Variants in B3GNT3 observed in about 807,000 individuals in gnomAD.
The protein encoded by B3GNT3 is N-acetyllactosaminide beta-1,3-N-acetylglucosaminyltransferase 3.
B3GNT3 carries 7 observed loss-of-function variants against 11.6 expected under a neutral mutation model. That is an observed-to-expected ratio of 0.60 (90% confidence interval 0.34 to 1.13). B3GNT3 has a LOEUF of 1.13. Ranked by LOEUF, B3GNT3 falls within the 50% of genes most tolerant of loss-of-function variation. B3GNT3 has a pLI of 0.03. For missense variants in B3GNT3, 400 were observed against 507.4 expected (o/e 0.79, Z 2.03); for synonymous variants, 201 against 222.1 (o/e 0.90, Z 0.85).
At chr19:17,800,653 G>A (rs1167641610) in intron 1 of B3GNT3, among the ~76,000 whole-genome samples, 1 of 152,104 alleles carries the variant, frequency 6.6e-6, no homozygotes, top group Admixed American at 6.6e-5. Context: ...AAGACTGTTT[G>A]TGGCTTGTTA....
intron 1 of B3GNT3, among the ~76,000 whole-genome samples, chr19:17,807,501 C>T (rs1484251192): frequency 3.6e-5 from 5 of 139,300 alleles, no homozygotes; most frequent in South Asian, 2.2e-4. Flanking sequence ...GAGAGAGAGA[C>T]GCTGTCTCAA....
Position 17,811,670 on chromosome 19 carries a change from T to C in B3GNT3, c.667T>C (p.Tyr223His). 1 of 1,614,258 alleles carries C rather than the reference T, an allele frequency of 6.2e-7. No homozygotes were observed. Among genetic ancestry groups the C allele is most frequent in the Non-Finnish European group, 8.5e-7 (1 of 1,180,050 alleles). Residue 223 changes from tyrosine to histidine, a missense_variant, in exon 3 of 3, where the codon TAC (tyrosine) becomes CAC (histidine). Coordinates refer to ENST00000318683, the MANE Select transcript of B3GNT3 (RefSeq NM_014256.4). The surrounding 1 kb of genome is among the most constrained non-coding windows in gnomAD (Gnocchi z 4.1). ...TGCACACACAGACAACATGGTCTTC[T>C]ACCTGCAGGACCATGACCCTGGCCG... ...VFAHTDNMVF[Y>H]LQDHDPGRHL... is the part of the protein sequence containing the mutation.
chr19:17,795,989 A>G (rs2094159106), intron 1 of B3GNT3, among the ~76,000 whole-genome samples: 1 of 152,158 alleles, frequency 6.6e-6, no homozygotes, highest in Admixed American at 6.5e-5. Flanking sequence ...AGCTGTCATC[A>G]TAATTATATT....
rs368173249 is a variant in B3GNT3 at position 17,807,803 on chromosome 19, C to A, written c.-5C>A. ...CAGGCCGACCCCAGACCCTGGCTGG[C>A]CAGGATGAAGTATCTCCGGCACCGG... On this transcript the variant is annotated 5_prime_UTR_variant, in exon 2 of 3. Coordinates refer to ENST00000318683, the MANE Select transcript of B3GNT3 (RefSeq NM_014256.4). The A allele has an allele frequency of 2.9e-5, 47 of 1,601,712 alleles. No individual in the cohort carries two copies. The highest frequency in any genetic ancestry group is 3.8e-5 in the Non-Finnish European group (44 of 1,171,330).
chr19:17,801,875 G>A (rs1407651302), intron 1 of B3GNT3, among the ~76,000 whole-genome samples: 1 of 152,150 alleles, frequency 6.6e-6, no homozygotes, highest in Non-Finnish European at 1.5e-5. Flanking sequence ...ATCACTTGAG[G>A]TCAGGAGTTT....
chr19:17,804,386 C>T (rs1397077599), intron 1 of B3GNT3, among the ~76,000 whole-genome samples: 9 of 147,158 alleles, frequency 6.1e-5, no homozygotes, highest in East Asian at 4.0e-4. Flanking sequence ...ATTACAGACA[C>T]GCACCACCAC....
intron 1 of B3GNT3, among the ~76,000 whole-genome samples, chr19:17,804,237 T>C (rs1218563948): frequency 1.2e-4 from 17 of 143,308 alleles, no homozygotes; most frequent in Non-Finnish European, 2.1e-4. Flanking sequence ...CTTTCTTTTT[T>C]TTCTTTTTTT....
upstream of B3GNT3, chr19:17,794,810 A>G (rs10854161): frequency 0.33 from 50,474 of 152,404 alleles, 9,235 homozygotes; most frequent in African/African-American, 0.49. Flanking sequence ...GCTCTGTGCC[A>G]GGAACCCGCA....
At position 17,811,775 on chromosome 19, in the gene B3GNT3, G is replaced by A; in HGVS notation, c.772G>A (p.Val258Met). The change falls in exon 3 of 3, where the codon GTG becomes ATG. Residue 258 changes from valine to methionine, a missense_variant. Transcript: ENST00000318683. This position sits in a 1 kb window ranked among gnomAD's most constrained non-coding sequence, Gnocchi z 4.1. Reference sequence around the variant, plus strand: ...GAGCAAGTACTATGTGCCAGAGGTGGTGACTCAGAATGAGCGGTACCCACC... The same window carrying A: ...GAGCAAGTACTATGTGCCAGAGGTGATGACTCAGAATGAGCGGTACCCACC... ...FWSKYYVPEV[V>M]TQNERYPPYC... 6.2e-7 allele frequency: 1 copy of A among 1,614,270 alleles called. No individual in the cohort carries two copies. Among genetic ancestry groups the A allele is most frequent in the South Asian group, 1.1e-5 (1 of 91,088 alleles).
intron 1 of B3GNT3, among the ~76,000 whole-genome samples, chr19:17,805,849 GTGCAGTGGTGTGATCATAGCTCAC>G (rs2094172382): frequency 6.6e-6 from 1 of 151,816 alleles, no homozygotes; most frequent in African/African-American, 2.4e-5. Flanking sequence ...CCAGGCTGGA[GTGCAGTGGTGTGATCATAGCTCAC>G]TGCAGCCTTG....
Position 17,807,960 on chromosome 19 carries a change from T to TCCGG in B3GNT3, c.155_156insGGCC (p.Pro53AlafsTer51). The TCCGG allele has an allele frequency of 4.2e-5, 67 of 1,609,456 alleles. No individual in the cohort carries two copies. Among genetic ancestry groups the TCCGG allele is most frequent in the Non-Finnish European group, 5.1e-5 (60 of 1,178,046 alleles). ...TCCCCGAGGCCCTGGCCTGGCCCAC[T>TCCGG]CCACCCACCCGCCCAGCCCCGGCCC... On this transcript the variant is annotated frameshift_variant, in exon 2 of 3. Coordinates refer to ENST00000318683, the MANE Select transcript of B3GNT3 (RefSeq NM_014256.4). LOFTEE classifies it high-confidence loss of function.
intron 1 of B3GNT3, among the ~76,000 whole-genome samples, chr19:17,796,840 A>T (rs1182263014): frequency 6.6e-6 from 1 of 152,108 alleles, no homozygotes; most frequent in Non-Finnish European, 1.5e-5. Context: ...GGGCTCACTG[A>T]GTGACATTTC....
rs2094175193 is a variant in B3GNT3 at position 17,807,853 on chromosome 19, G to A, written c.46G>A (p.Ala16Thr). ...HRRPNATLIL[A>T]IGAFTLLLFS... Reference sequence around the variant, plus strand: ...GCGGCCCAATGCCACCCTCATTCTGGCCATCGGCGCTTTCACCCTCCTCCT... The same window carrying A: ...GCGGCCCAATGCCACCCTCATTCTGACCATCGGCGCTTTCACCCTCCTCCT... Residue 16 changes from alanine to threonine, a missense_variant, in exon 2 of 3, where the codon GCC (alanine) becomes ACC (threonine). Ala to Thr is a moderately conservative substitution (Grantham distance 58). Transcript: ENST00000318683. The A allele has an allele frequency of 1.9e-6, 3 of 1,613,144 alleles. No individual in the cohort carries two copies. Among genetic ancestry groups the A allele is most frequent in the Non-Finnish European group, 2.5e-6 (3 of 1,179,864 alleles).
At position 17,812,312 on chromosome 19, in the gene B3GNT3, G is replaced by A; in HGVS notation, c.*190G>A. On this transcript the variant is annotated 3_prime_UTR_variant, in exon 3 of 3. Coordinates refer to ENST00000318683, the MANE Select transcript of B3GNT3 (RefSeq NM_014256.4). ...TCAAAACCCACCTGGTACTGTTCCA[G>A]CATCTTCCCTGGATGGCTGGAGGAA... 1.7e-6 allele frequency: 1 copy of A among 590,770 alleles called. No homozygotes were observed. Among genetic ancestry groups the A allele is most frequent in the Non-Finnish European group, 2.9e-6 (1 of 345,370 alleles). 36.6% of individuals were successfully genotyped at this position (590,770 alleles called of 1,614,324 possible). A position where few individuals can be genotyped will look rare whatever the true frequency, so the allele number is the denominator to read the frequency against.
rs1274812158 is a variant in B3GNT3, at chr19:17,807,863, C to G, written c.56C>G (p.Ala19Gly). Residue 19 changes from alanine (A) to glycine (G), a missense_variant, in exon 2 of 3, where the codon GCT becomes GGT. Ala to Gly is a moderately conservative substitution (Grantham distance 60). Coordinates refer to ENST00000318683, the MANE Select transcript of B3GNT3 (RefSeq NM_014256.4). Reference sequence around the variant, plus strand: ...GCCACCCTCATTCTGGCCATCGGCGCTTTCACCCTCCTCCTCTTCAGTCTG... The same window carrying G: ...GCCACCCTCATTCTGGCCATCGGCGGTTTCACCCTCCTCCTCTTCAGTCTG... ...PNATLILAIGAFTLLLFSLLV... is the reference protein window; with the variant it reads ...PNATLILAIGGFTLLLFSLLV... The G allele has an allele frequency of 2.5e-6, 4 of 1,613,458 alleles. No individual in the cohort carries two copies. The highest frequency in any genetic ancestry group is 3.4e-6 in the Non-Finnish European group (4 of 1,179,986).
chr19:17,804,587 G>T (rs2094170779), intron 1 of B3GNT3, among the ~76,000 whole-genome samples: 1 of 128,238 alleles, frequency 7.8e-6, no homozygotes, highest in Admixed American at 9.0e-5. Context: ...GCCCAGGCTG[G>T]AGTGCAGTGG....
chr19:17,810,709 C>G (rs1280000739), intron 2 of B3GNT3, among the ~76,000 whole-genome samples: 2 of 151,824 alleles, frequency 1.3e-5, no homozygotes, highest in African/African-American at 2.4e-5. Context: ...TGGTGAAACC[C>G]TGTCTCTACT....
chr19:17,804,468 G>A (rs1253886038), intron 1 of B3GNT3, among the ~76,000 whole-genome samples: 1 of 146,408 alleles, frequency 6.8e-6, no homozygotes, highest in East Asian at 2.0e-4. Context: ...TCGAACTCCT[G>A]AGCTCAAGTG....
rs2094157988 is a variant in B3GNT3, at chr19:17,795,165, G to C, written c.-92G>C. On this transcript the variant is annotated 5_prime_UTR_variant, in exon 1 of 3. Transcript: ENST00000318683. ...ACTCTTTCTTCGGCTCGCGAGCTGA[G>C]AGGAGCAGGTAGAGGGGCAGAGGCG... 6.6e-6 allele frequency: 1 copy of C among 152,460 alleles called. No homozygotes were observed. The highest frequency in any genetic ancestry group is 2.1e-4 in the South Asian group (1 of 4,834). 9.4% of individuals were successfully genotyped at this position (152,460 alleles called of 1,614,324 possible).
Sources: allele counts gnomAD v4.1 joint callset (sites outside exome capture counted in the v4.1 genomes callset), GRCh38; gene constraint gnomAD v4.1.1; non-coding constraint Gnocchi (gnomAD v3.1); transcripts MANE v1.5; gene names NCBI Gene and HGNC (gene_info 2026-07-23, HGNC 2026-07-21).